Variants in PRRC2C observed in about 807,000 individuals in gnomAD.
The protein encoded by PRRC2C is proline rich coiled-coil 2C.
PRRC2C carries 72 observed loss-of-function variants against 317.2 expected under a neutral mutation model. The observed-to-expected ratio is 0.23, with a 90% confidence interval of 0.19 to 0.28. The LOEUF (loss-of-function observed/expected upper bound fraction) is 0.28. Among genes scored for constraint, PRRC2C ranks in the 10% least tolerant of loss-of-function variants. The pLI is 1.00. For synonymous variants in PRRC2C, 1,296 were observed against 1,205.9 expected (o/e 1.07, Z -1.55); for missense variants, 3,074 against 3,459.7 (o/e 0.89, Z 2.80).
intron 16 of PRRC2C, among the ~76,000 whole-genome samples, chr1:171,542,667 C>T (rs1298540408): frequency 6.6e-6 from 1 of 152,188 alleles, no homozygotes; most frequent in Non-Finnish European, 1.5e-5. Flanking sequence ...AAACAAATCC[C>T]TGTTCTACTA....
chr1:171,557,408 G>A lies in PRRC2C; in HGVS notation c.5296G>A (p.Ala1766Thr). ...ACCTTCAACCTCAGCTTCAGTTCCA[G>A]CCTCAACCTCAGCTCCACTTCCGGC... Reference protein sequence around the residue: ...LPPSTSASVPASTSAPLPATL... With the variant: ...LPPSTSASVPTSTSAPLPATL... The change falls in exon 19 of 35, where the codon GCC (alanine) becomes ACC (threonine). Residue 1766 changes from alanine (A) to threonine (T), a missense_variant. Ala to Thr is a moderately conservative substitution (Grantham distance 58, BLOSUM62 0). This residue lies in a region of PRRC2C where 640 missense variants were observed against 676.1 expected (regional missense o/e 0.95). Coordinates refer to ENST00000647382, the MANE Select transcript of PRRC2C (RefSeq NM_001387844.1). 6.5e-7 allele frequency: 1 copy of A among 1,546,868 alleles called. No homozygotes were observed. Among genetic ancestry groups the A allele is most frequent in the Non-Finnish European group, 8.7e-7 (1 of 1,143,556 alleles).
chr1:171,517,708 T>C lies in PRRC2C; in HGVS notation c.644T>C (p.Ile215Thr). The C allele has an allele frequency of 6.2e-7, 1 of 1,613,726 alleles. No homozygotes were observed. The highest frequency in any genetic ancestry group is 1.1e-5 in the South Asian group (1 of 91,048). Residue 215 changes from isoleucine (I) to threonine (T), a missense_variant, in exon 6 of 35, where the codon ATC becomes ACC. Coordinates refer to ENST00000647382, the MANE Select transcript of PRRC2C (RefSeq NM_001387844.1). ...GCTGGAACATCAGAGCAAAATGATATCCTCAAAGTGGTGGAAAAGAGGATA... is the reference window on the plus strand; with the variant it reads ...GCTGGAACATCAGAGCAAAATGATACCCTCAAAGTGGTGGAAAAGAGGATA... ...STAGTSEQND[I>T]LKVVEKRIAC...
At chr1:171,579,122 A>AT (rs997214701) in intron 26 of PRRC2C, among the ~76,000 whole-genome samples, 3 of 151,368 alleles carry the variant, frequency 2.0e-5, no homozygotes, top group African/African-American at 7.3e-5. Flanking sequence ...CGGTATATAA[A>AT]TTTTTTTTTC....
chr1:171,553,247 G>A (rs235477), intron 18 of PRRC2C, among the ~76,000 whole-genome samples: 23,992 of 152,104 alleles, frequency 0.16, 1,962 homozygotes, highest in Middle Eastern at 0.29. Flanking sequence ...GTTTATGTGC[G>A]TAGAGGTGTT....
At chr1:171,563,892 C>T (rs898483748) in intron 20 of PRRC2C, among the ~76,000 whole-genome samples, 1 of 151,906 alleles carries the variant, frequency 6.6e-6, no homozygotes, top group Non-Finnish European at 1.5e-5. Context: ...TGTTTCCCAA[C>T]CACAAGATTT....
intron 1 of PRRC2C, among the ~76,000 whole-genome samples, chr1:171,490,531 C>T (rs544709781): frequency 6.6e-6 from 1 of 152,198 alleles, no homozygotes; most frequent in East Asian, 1.9e-4. Context: ...CATGATAAAC[C>T]GCAAAGGAGT....
Position 171,592,041 on chromosome 1 carries a change from G to T in PRRC2C, c.*194G>T, listed in dbSNP as rs1651549557. On this transcript the variant is annotated 3_prime_UTR_variant, in exon 35 of 35. Transcript: ENST00000647382. Reference sequence around the variant, plus strand: ...TACCAGTGAAAACGAGGCTTTGCAAGCTTGTACCTACTATATAACATGTGC... The same window carrying T: ...TACCAGTGAAAACGAGGCTTTGCAATCTTGTACCTACTATATAACATGTGC... 1 of 622,264 alleles carries T rather than the reference G, an allele frequency of 1.6e-6. No individual in the cohort carries two copies. The allele number at this position is 622,264 out of a possible 1,614,324, so 38.5% of individuals were successfully genotyped here.
intron 1 of PRRC2C, among the ~76,000 whole-genome samples, chr1:171,489,868 A>G (rs1666791385): frequency 6.6e-6 from 1 of 152,152 alleles, no homozygotes; most frequent in African/African-American, 2.4e-5. Context: ...CTGTTACTTA[A>G]TATTTTTCTT....
At chr1:171,526,050 C>T (rs1217990074) in intron 10 of PRRC2C, among the ~76,000 whole-genome samples, 1 of 152,034 alleles carries the variant, frequency 6.6e-6, no homozygotes, top group Non-Finnish European at 1.5e-5. Context: ...TACTTATTGG[C>T]ATAATGGGGA....
Position 171,540,448 on chromosome 1 carries a change from T to C in PRRC2C, c.2982T>C (p.Arg994=), listed in dbSNP as rs550923764. 52 of 1,613,160 alleles carry C rather than the reference T, an allele frequency of 3.2e-5. No individual in the cohort carries two copies. The highest frequency in any genetic ancestry group is 2.9e-4 in the South Asian group (26 of 90,942). The change falls in exon 16 of 35, where the codon CGT becomes CGC. Residue 994 remains arginine (R), a synonymous_variant. Coordinates refer to ENST00000647382, the MANE Select transcript of PRRC2C (RefSeq NM_001387844.1). ...EKVYKSKSET[R]WGPRPSSNRR... is the part of the protein sequence containing the mutation. ...TATATAAATCTAAATCAGAAACTCG[T>C]TGGGGCCCACGACCAAGCTCTAACA...
chr1:171,568,107 C>A, intron 22 of PRRC2C, 140 bp from the exon 23 acceptor site: 2 of 1,248,658 alleles, frequency 1.6e-6, no homozygotes, highest in Non-Finnish European at 2.1e-6. Flanking sequence ...ATCACTTGAG[C>A]CTGGAAGGCA....
At position 171,532,528 on chromosome 1, in the gene PRRC2C, G is replaced by A; in HGVS notation, c.1440G>A (p.Lys480=). Residue 480 remains lysine, a synonymous_variant, in exon 12 of 35, where the codon AAG becomes AAA. Coordinates refer to ENST00000647382, the MANE Select transcript of PRRC2C (RefSeq NM_001387844.1). ...AGCGAAGAATGGAAGAACAAAGGAA[G>A]GCAGCTTGTGCGGAGAAACTGAAAC... The part of the protein sequence containing the change: ...EEERRMEEQR[K]AACAEKLKRL... 1 of 1,601,692 alleles carries A rather than the reference G, an allele frequency of 6.2e-7. No homozygotes were observed.
At chr1:171,568,042 T>C (rs1303371317) in intron 22 of PRRC2C, among the ~76,000 whole-genome samples, 1 of 152,012 alleles carries the variant, frequency 6.6e-6, no homozygotes, top group African/African-American at 2.4e-5. Context: ...CAAAAATTAA[T>C]GTCATGGTGG....
intron 5 of PRRC2C, among the ~76,000 whole-genome samples, chr1:171,516,857 A>G (rs1672470878): frequency 6.6e-6 from 1 of 152,212 alleles, no homozygotes; most frequent in South Asian, 2.1e-4. Flanking sequence ...TGGCTTCTGC[A>G]GAATAAATGA....
intron 1 of PRRC2C, among the ~76,000 whole-genome samples, chr1:171,499,783 G>A (rs575181418): frequency 6.6e-6 from 1 of 152,140 alleles, no homozygotes; most frequent in Admixed American, 6.5e-5. Flanking sequence ...CAGCCTGGGC[G>A]ACAAAGTGGG....
chr1:171,579,892 A>C lies in PRRC2C; in HGVS notation c.7337A>C (p.Gln2446Pro), dbSNP rs757024062. The C allele has an allele frequency of 1.6e-5, 25 of 1,598,978 alleles. No homozygotes were observed. In the Middle Eastern group the frequency reaches 5.0e-4, roughly 32 times the overall value. Reference protein sequence around the residue: ...YAPLQGQHQAQLSLGAGPAVS... With the variant: ...YAPLQGQHQAPLSLGAGPAVS... The stretch of plus-strand genomic sequence containing the variant: ...CCACTGCAAGGGCAGCATCAAGCCC[A>C]ACTGAGTTTGGGGGCTGGCCCTGCT... Residue 2446 changes from glutamine (Q) to proline (P), a missense_variant, in exon 28 of 35, where the codon CAA becomes CCA. This residue lies in a region of PRRC2C where 490 missense variants were observed against 663.1 expected (regional missense o/e 0.74). Coordinates refer to ENST00000647382, the MANE Select transcript of PRRC2C (RefSeq NM_001387844.1).
intron 22 of PRRC2C, 141 bp from the exon 23 acceptor site, chr1:171,568,106 G>T: frequency 8.0e-7 from 1 of 1,246,552 alleles, no homozygotes; most frequent in Non-Finnish European, 1.0e-6. Context: ...AATCACTTGA[G>T]CCTGGAAGGC....
chr1:171,526,986 T>G (rs1000004630), intron 10 of PRRC2C, among the ~76,000 whole-genome samples: 13 of 151,326 alleles, frequency 8.6e-5, no homozygotes, highest in African/African-American at 2.7e-4. Flanking sequence ...TTTTTGTATC[T>G]TTAGTAGAGA....
rs1677963959 is a variant in PRRC2C at position 171,541,579 on chromosome 1, T to C, written c.4113T>C (p.Ala1371=). The part of the protein sequence containing the change: ...PSRPSTLRRP[A]YRDNQWNPRQ... ...GCCCTTCCACTTTACGAAGACCAGC[T>C]TATCGGGACAATCAGTGGAACCCAA... The change falls in exon 16 of 35, where the codon GCT becomes GCC. Residue 1371 remains alanine, a synonymous_variant. Transcript: ENST00000647382. This position sits in a 1 kb window ranked among gnomAD's most constrained non-coding sequence, Gnocchi z 4.1. 2.5e-6 allele frequency: 4 copies of C among 1,613,800 alleles called. No individual in the cohort carries two copies. The East Asian group carries it at 8.9e-5, about 36-fold the overall frequency.
Sources: allele counts gnomAD v4.1 joint callset (sites outside exome capture counted in the v4.1 genomes callset), GRCh38; gene constraint gnomAD v4.1.1; regional missense constraint gnomAD v4.1.1; non-coding constraint Gnocchi (gnomAD v3.1); transcripts MANE v1.5; gene names NCBI Gene and HGNC (gene_info 2026-07-23, HGNC 2026-07-21).